TP53BP2: variants seen among roughly 807,000 people sequenced by gnomAD.
The protein encoded by TP53BP2 is tumor protein p53 binding protein 2, also known as apoptosis-stimulating of p53 protein 2.
Under a neutral mutation model 126.2 loss-of-function variants are expected in TP53BP2, and 62 were observed. That is an observed-to-expected ratio of 0.49 (90% CI 0.40 to 0.61). The LOEUF is 0.61. Among genes scored for constraint, TP53BP2 ranks in the 20% least tolerant of loss-of-function variants. The probability of loss-of-function intolerance (pLI) is 0.00; values close to 1 mark genes in which losing one functional copy is unlikely to be tolerated. For synonymous variants in TP53BP2, 485 were observed against 502.9 expected (o/e 0.96, Z 0.48); for missense variants, 1,215 against 1,402.8 (o/e 0.87, Z 2.14).
chr1:223,800,580 G>A (rs1005403993), intron 10 of TP53BP2, 120 bp downstream of exon 10: 2 of 701,686 alleles, frequency 2.9e-6, no homozygotes, highest in Non-Finnish European at 4.5e-6. Context: ...GTGAGATCCT[G>A]TCTTTAAAAA....
chr1:223,807,842 T>C (rs1397488446), intron 4 of TP53BP2, among the ~76,000 whole-genome samples: 1 of 152,192 alleles, frequency 6.6e-6, no homozygotes, highest in Admixed American at 6.5e-5. Context: ...GGAAGCTCAA[T>C]ACTGTCAAGA....
chr1:223,827,141 T>G (rs2102879011), intron 1 of TP53BP2, among the ~76,000 whole-genome samples: 1 of 152,070 alleles, frequency 6.6e-6, no homozygotes, highest in East Asian at 1.9e-4. Flanking sequence ...TTGACTGAGA[T>G]GAGAAAGCAA....
intron 11 of TP53BP2, among the ~76,000 whole-genome samples, chr1:223,798,960 T>C (rs997660935): frequency 2.0e-5 from 3 of 152,138 alleles, no homozygotes; most frequent in African/African-American, 7.2e-5. Flanking sequence ...TAGTCCCAAC[T>C]ACTCAGGAGG....
intron 15 of TP53BP2, among the ~76,000 whole-genome samples, chr1:223,791,024 T>G (rs941249131): frequency 1.3e-5 from 2 of 152,220 alleles, no homozygotes; most frequent in Non-Finnish European, 2.9e-5. Flanking sequence ...AAGGGCATTA[T>G]GACACAGTAA....
chr1:223,787,269 T>C lies in TP53BP2; in HGVS notation c.3163+1739A>G, dbSNP rs558657139. 7.2e-5 allele frequency among the ~76,000 whole-genome samples: 11 copies of C among 152,220 alleles called. No individual in the cohort carries two copies. In the South Asian group the frequency reaches 1.0e-3, roughly 14 times the overall value. On this transcript the variant is annotated intron_variant, in intron 16 of 17. Coordinates refer to ENST00000343537, the MANE Select transcript of TP53BP2 (RefSeq NM_001031685.3). ...ACTTTGGAAGGCCAAGGTGGGAGGA[T>C]TGCTTGAGCCTAGGAGTTCAGGGTT... is the stretch of plus-strand genomic sequence containing the variant.
chr1:223,782,585 C>T (rs528762080), intron 17 of TP53BP2, among the ~76,000 whole-genome samples: 3 of 152,244 alleles, frequency 2.0e-5, no homozygotes, highest in East Asian at 1.9e-4. Flanking sequence ...CAGGCTCAAC[C>T]GACTCTCCTG....
rs1662321968 is a variant in TP53BP2, at chr1:223,796,363, C to A, written c.2176G>T (p.Ala726Ser). ...GCGTTAGACAGTTTCTTTCGTAAGG[C>A]TTCTAGGTCAGCATCACTCTGGTTT... is the stretch of plus-strand genomic sequence containing the variant. ...YRNQSDADLEALRKKLSNAPR... is the reference protein window; with the variant it reads ...YRNQSDADLESLRKKLSNAPR... Residue 726 changes from alanine to serine, a missense_variant, in exon 13 of 18, where the codon GCC (alanine) becomes TCC (serine). Around this residue, in one of 4 missense-constraint regions of TP53BP2, gnomAD observed 46 missense variants for 93.0 expected, o/e 0.49. Transcript: ENST00000343537. The surrounding 1 kb of genome is among the most constrained non-coding windows in gnomAD (Gnocchi z 4.2). 1 of 1,614,060 alleles carries A rather than the reference C, an allele frequency of 6.2e-7. No homozygotes were observed. Among genetic ancestry groups the A allele is most frequent in the Admixed American group, 1.7e-5 (1 of 59,992 alleles).
intron 8 of TP53BP2, 173 bp from the exon 9 acceptor site, chr1:223,802,517 C>T (rs548247110): frequency 2.2e-5 from 19 of 844,918 alleles, no homozygotes; most frequent in Non-Finnish European, 3.1e-5. Flanking sequence ...CTCACCCACA[C>T]TTTATTACAA....
intron 1 of TP53BP2, among the ~76,000 whole-genome samples, chr1:223,838,495 C>T (rs531262958): frequency 6.6e-6 from 1 of 152,284 alleles, no homozygotes; most frequent in Admixed American, 6.5e-5. Context: ...ACACTCACTC[C>T]ACTCCCATCT....
intron 14 of TP53BP2, 89 bp from the exon 15 acceptor site, chr1:223,792,611 G>A: frequency 4.5e-6 from 6 of 1,322,986 alleles, no homozygotes; most frequent in Non-Finnish European, 6.3e-6. Flanking sequence ...CAAGAGGACA[G>A]AAATGGACTC....
chr1:223,845,555 C>G, intron 1 of TP53BP2, 99 bp downstream of exon 1: 1 of 1,322,204 alleles, frequency 7.6e-7, no homozygotes, highest in Non-Finnish European at 9.8e-7. Context: ...GCTGCGGCCC[C>G]CAGGCTCCTT....
At position 223,802,217 on chromosome 1, in the gene TP53BP2, G is replaced by A. The variant is rs767048169; in HGVS notation, c.1124C>T (p.Pro375Leu). The A allele has an allele frequency of 6.2e-7, 1 of 1,614,076 alleles. No individual in the cohort carries two copies. Among genetic ancestry groups the A allele is most frequent in the Non-Finnish European group, 8.5e-7 (1 of 1,180,038 alleles). ...GACCAAGGAACCATCCGGCAGGGCT[G>A]GCTTCACCAGCAATTCAGGCCTTGA... ...MPSRPELLVK[P>L]ALPDGSLVIQ... Residue 375 changes from proline to leucine, a missense_variant, in exon 9 of 18, where the codon CCA becomes CTA. Coordinates refer to ENST00000343537, the MANE Select transcript of TP53BP2 (RefSeq NM_001031685.3).
chr1:223,832,049 C>CA lies in TP53BP2; in HGVS notation c.28-10683dup, dbSNP rs1030880277. ...TGAAAGACTTTTCTAAGAGGAAATA[C>CA]AAAAAAAAAACTGATTAGGGCATTT... On this transcript the variant is annotated intron_variant, in intron 1 of 17. Coordinates refer to ENST00000343537, the MANE Select transcript of TP53BP2 (RefSeq NM_001031685.3). Among the ~76,000 whole-genome samples, 760 of 145,570 alleles carry CA rather than the reference C, an allele frequency of 5.2e-3. 16 individuals are homozygous for CA. Among genetic ancestry groups the CA allele is most frequent in the Admixed American group, 0.028 (412 of 14,672 alleles).
intron 16 of TP53BP2, among the ~76,000 whole-genome samples, chr1:223,786,581 C>CATGTGTGTGTGT (rs1553258004): frequency 4.2e-4 from 61 of 144,586 alleles, no homozygotes; most frequent in African/African-American, 1.5e-3. Context: ...TGCGTGTGTG[C>CATGTGTGTGTGT]GTGTGTGTGT....
intron 1 of TP53BP2, among the ~76,000 whole-genome samples, chr1:223,837,713 C>T (rs560819885): frequency 1.3e-3 from 201 of 152,252 alleles, no homozygotes; most frequent in African/African-American, 4.7e-3. Flanking sequence ...TACACTCTGG[C>T]ACCTCTAAGG....
rs1415846746 is a variant in TP53BP2, at chr1:223,796,465, C to T, written c.2074G>A (p.Glu692Lys). The change falls in exon 13 of 18, where the codon GAG becomes AAG. Residue 692 changes from glutamate to lysine, a missense_variant. Around this residue, in one of 4 missense-constraint regions of TP53BP2, gnomAD observed 814 missense variants for 853.0 expected, o/e 0.95. Transcript: ENST00000343537. This position sits in a 1 kb window ranked among gnomAD's most constrained non-coding sequence, Gnocchi z 4.2. ...PETEPVSSVQ[E>K]NHENERIPRP... ...GGAATTCTTTCGTTTTCATGGTTCTCCTGAACTGAAGAAACAGGCTCTGTT... is the reference window on the plus strand; with the variant it reads ...GGAATTCTTTCGTTTTCATGGTTCTTCTGAACTGAAGAAACAGGCTCTGTT... 5 of 1,614,138 alleles carry T rather than the reference C, an allele frequency of 3.1e-6. No individual in the cohort carries two copies. Among genetic ancestry groups the T allele is most frequent in the Admixed American group, 3.3e-5 (2 of 60,018 alleles).
At chr1:223,810,134 A>G (rs1000892980) in intron 4 of TP53BP2, among the ~76,000 whole-genome samples, 4 of 152,170 alleles carry the variant, frequency 2.6e-5, no homozygotes, top group East Asian at 1.9e-4. Flanking sequence ...CCAATTTTGC[A>G]TTTTTAATAA....
intron 3 of TP53BP2, among the ~76,000 whole-genome samples, chr1:223,813,897 T>C (rs1391785720): frequency 3.3e-5 from 5 of 152,196 alleles, no homozygotes; most frequent in Admixed American, 6.5e-5. Flanking sequence ...TTTAGCCACA[T>C]CTGCCACAGT....
At position 223,820,322 on chromosome 1, in the gene TP53BP2, T is replaced by G. The variant is rs12036553; in HGVS notation, c.175+898A>C. ...CAACCTAATATTAAAAGTTTGGATT[T>G]TATTCTAAGTGGAGGAGAAGTCGCT... is the stretch of plus-strand genomic sequence containing the variant. On this transcript the variant is annotated intron_variant, in intron 2 of 17. Transcript: ENST00000343537. 1.5e-3 allele frequency among the ~76,000 whole-genome samples: 224 copies of G among 152,340 alleles called. 2 individuals carry two copies. In the East Asian group the frequency reaches 0.039, roughly 27 times the overall value.
Sources: allele counts gnomAD v4.1 joint callset (sites outside exome capture counted in the v4.1 genomes callset), GRCh38; gene constraint gnomAD v4.1.1; regional missense constraint gnomAD v4.1.1; non-coding constraint Gnocchi (gnomAD v3.1); transcripts MANE v1.5; gene names NCBI Gene and HGNC (gene_info 2026-07-23, HGNC 2026-07-21).